GPATCH8: variants seen among roughly 807,000 people sequenced by gnomAD.
GPATCH8 encodes the protein G patch domain-containing protein 8.
A neutral mutation model predicts 118.3 loss-of-function variants in GPATCH8; 18 were observed. The ratio of observed to expected loss-of-function variants is 0.15; its 90% CI spans 0.11 to 0.23. The LOEUF (loss-of-function observed/expected upper bound fraction) is 0.23, where lower values mean the gene tolerates loss of function less well. Among genes scored for constraint, GPATCH8 ranks in the 10% least tolerant of loss-of-function variants. The probability of loss-of-function intolerance (pLI) is 1.00; values close to 1 mark genes in which losing one functional copy is unlikely to be tolerated. For missense variants in GPATCH8, 1,631 were observed against 1,873.8 expected (o/e 0.87, Z 2.39); for synonymous variants, 659 against 684.7 (o/e 0.96, Z 0.59).
chr17:44,455,615 T>G (rs2051300348), intron 3 of GPATCH8, among the ~76,000 whole-genome samples: 1 of 152,034 alleles, frequency 6.6e-6, no homozygotes, highest in Non-Finnish European at 1.5e-5. Context: ...ATAATAAATA[T>G]TAAGCATTAT....
rs143538300 is a variant in GPATCH8, at chr17:44,413,204, G to T, written c.493-7153C>A. ...AAAAAACCAAGTATTTGGTAAGAGAGAAAATTAGATACTAATGCCAATTAC... is the reference window on the plus strand; with the variant it reads ...AAAAAACCAAGTATTTGGTAAGAGATAAAATTAGATACTAATGCCAATTAC... On this transcript the variant is annotated intron_variant, in intron 6 of 7. Coordinates refer to ENST00000591680, the MANE Select transcript of GPATCH8 (RefSeq NM_001002909.4). Among the ~76,000 whole-genome samples, 198 of 152,292 alleles carry T rather than the reference G, an allele frequency of 1.3e-3. 1 individual carries two copies. Among genetic ancestry groups the T allele is most frequent in the African/African-American group, 4.6e-3 (190 of 41,566 alleles).
chr17:44,435,605 T>G (rs143080460), intron 4 of GPATCH8, among the ~76,000 whole-genome samples: 21 of 149,884 alleles, frequency 1.4e-4, no homozygotes, highest in Non-Finnish European at 2.8e-4. Flanking sequence ...TCAGTAGAGA[T>G]GGAGTTTCAT....
intron 3 of GPATCH8, among the ~76,000 whole-genome samples, chr17:44,448,839 TA>T (rs200199540): frequency 8.6e-4 from 127 of 147,026 alleles, no homozygotes; most frequent in African/African-American, 2.7e-3. Context: ...TGGATAAATT[TA>T]AAAAAAAAAA....
chr17:44,501,089 T>A (rs1162705812), intron 1 of GPATCH8, among the ~76,000 whole-genome samples: 1 of 152,158 alleles, frequency 6.6e-6, no homozygotes, highest in Admixed American at 6.5e-5. Context: ...CCCAATACCC[T>A]ATTTACCCAA....
At chr17:44,407,166 G>GAC (rs1204895556) in intron 6 of GPATCH8, 1 of 151,738 alleles carries the variant, frequency 6.6e-6, no homozygotes, top group African/African-American at 2.4e-5. Flanking sequence ...AGGGTAAAAA[G>GAC]ACACACACAA....
At chr17:44,428,186 G>A (rs1366179919) in intron 5 of GPATCH8, among the ~76,000 whole-genome samples, 1 of 151,312 alleles carries the variant, frequency 6.6e-6, no homozygotes, top group Non-Finnish European at 1.5e-5. Context: ...GGAAGGCTGG[G>A]GAAGTCCTTC....
At chr17:44,405,333 C>A (rs1252960540) in intron 7 of GPATCH8, among the ~76,000 whole-genome samples, 4 of 151,314 alleles carry the variant, frequency 2.6e-5, no homozygotes. Context: ...CTCAGCCTCC[C>A]TAGTAGCTGG....
intron 3 of GPATCH8, among the ~76,000 whole-genome samples, chr17:44,444,683 G>A (rs1293003354): frequency 6.6e-6 from 1 of 152,162 alleles, no homozygotes; most frequent in East Asian, 1.9e-4. Flanking sequence ...TGAGGCAGGA[G>A]AATCACTTGA....
intron 5 of GPATCH8, among the ~76,000 whole-genome samples, chr17:44,434,796 T>C (rs1567983574): frequency 6.6e-6 from 1 of 152,246 alleles, no homozygotes; most frequent in Admixed American, 6.5e-5. Flanking sequence ...CTACCACTAC[T>C]TGAATACCTA....
intron 1 of GPATCH8, among the ~76,000 whole-genome samples, chr17:44,484,644 T>G (rs1201782185): frequency 6.6e-6 from 1 of 152,192 alleles, no homozygotes; most frequent in African/African-American, 2.4e-5. Context: ...ATGGTCTTTT[T>G]CTGTTCTAGG....
At chr17:44,445,079 T>C (rs1371882968) in intron 3 of GPATCH8, among the ~76,000 whole-genome samples, 3 of 152,208 alleles carry the variant, frequency 2.0e-5, no homozygotes, top group South Asian at 4.1e-4. Flanking sequence ...ATGTAAACTT[T>C]TATAATGAAA....
chr17:44,404,273 G>A (rs112226609), intron 7 of GPATCH8, among the ~76,000 whole-genome samples: 1 of 151,630 alleles, frequency 6.6e-6, no homozygotes, highest in Non-Finnish European at 1.5e-5. Context: ...GAGTAGCTGG[G>A]ACTACAGGCA....
At position 44,396,345 on chromosome 17, in the gene GPATCH8, A is replaced by G. The variant is rs562338757; in HGVS notation, c.*1223T>C. Reference sequence around the variant, plus strand: ...TCTCTGTGTAAAACAGCAAAAGTACATGAGGGAGACTGTTAAAGATGAGCA... The same window carrying G: ...TCTCTGTGTAAAACAGCAAAAGTACGTGAGGGAGACTGTTAAAGATGAGCA... On this transcript the variant is annotated 3_prime_UTR_variant, in exon 8 of 8. Transcript: ENST00000591680. The G allele has an allele frequency of 3.2e-4, 146 of 454,546 alleles. 1 individual carries two copies. The highest frequency in any genetic ancestry group is 2.1e-3 in the South Asian group (137 of 64,478). The allele number at this position is 454,546 out of a possible 1,614,324, so 28.2% of individuals were successfully genotyped here.
At chr17:44,436,239 C>A (rs1357855530) in intron 4 of GPATCH8, among the ~76,000 whole-genome samples, 2 of 152,032 alleles carry the variant, frequency 1.3e-5, no homozygotes, top group South Asian at 2.1e-4. Flanking sequence ...TGCTGTATAA[C>A]CCTCGGCAAA....
chr17:44,471,235 G>T (rs760426752), intron 2 of GPATCH8, among the ~76,000 whole-genome samples: 1 of 152,094 alleles, frequency 6.6e-6, no homozygotes, highest in Non-Finnish European at 1.5e-5. Flanking sequence ...ACTGGATTTT[G>T]ATATATTTTC....
Position 44,495,370 on chromosome 17 carries a change from C to T in GPATCH8, c.45+7956G>A, listed in dbSNP as rs1270096746. 3.9e-5 allele frequency among the ~76,000 whole-genome samples: 6 copies of T among 152,080 alleles called. No homozygotes were observed. In the East Asian group the frequency reaches 5.8e-4, roughly 15 times the overall value. ...ATAAAATAAAAGCATGTCCAATCAT[C>T]CCACTTTAAGGATTCTCTCCTTTAC... On this transcript the variant is annotated intron_variant, in intron 1 of 7. Coordinates refer to ENST00000591680, the MANE Select transcript of GPATCH8 (RefSeq NM_001002909.4).
rs551800889 is a variant in GPATCH8 at position 44,401,253 on chromosome 17, G to A, written c.824C>T (p.Ala275Val). 1 of 1,613,886 alleles carries A rather than the reference G, an allele frequency of 6.2e-7. No homozygotes were observed. The highest frequency in any genetic ancestry group is 1.3e-5 in the African/African-American group (1 of 75,038). Residue 275 changes from alanine to valine, a missense_variant, in exon 8 of 8, where the codon GCT (alanine) becomes GTT (valine). By Grantham distance (64) the Ala-to-Val change is moderately conservative (BLOSUM62 0). Transcript: ENST00000591680. ...GATGCCTTGGGAGGCTAACCCAGGAGCCTGGGCCAGTCCAGTGGTATTAGT... is the reference window on the plus strand; with the variant it reads ...GATGCCTTGGGAGGCTAACCCAGGAACCTGGGCCAGTCCAGTGGTATTAGT... ...QITNTTGLAQ[A>V]PGLASQGISF...
chr17:44,503,256 A>T, intron 1 of GPATCH8, 70 bp downstream of exon 1: 1 of 1,335,120 alleles, frequency 7.5e-7, no homozygotes, highest in South Asian at 1.2e-5. Flanking sequence ...GAGGGCTGGG[A>T]GCCGGAGATG....
chr17:44,450,502 C>T (rs1204380850), intron 3 of GPATCH8, among the ~76,000 whole-genome samples: 1 of 152,056 alleles, frequency 6.6e-6, no homozygotes, highest in Admixed American at 6.6e-5. Context: ...TACAAGAAAA[C>T]CAAGTGGGAT....
Sources: allele counts gnomAD v4.1 joint callset (sites outside exome capture counted in the v4.1 genomes callset), GRCh38; gene constraint gnomAD v4.1.1; transcripts MANE v1.5; gene names NCBI Gene and HGNC (gene_info 2026-07-23, HGNC 2026-07-21).